The following ATP6V1D variants were observed in gnomAD, a reference collection of about 807,000 sequenced individuals.
The protein encoded by ATP6V1D is ATPase H+ transporting V1 subunit D, also known as V-type proton ATPase subunit D.
ATP6V1D carries 20 observed loss-of-function variants against 39.4 expected under a neutral mutation model. The ratio of observed to expected loss-of-function variants is 0.51; its 90% confidence interval spans 0.36 to 0.74. The LOEUF is 0.74. ATP6V1D is among the 30% of genes least tolerant of loss of function. The pLI is 0.00. For synonymous variants in ATP6V1D, 100 were observed against 100.5 expected, an observed-to-expected ratio of 0.99 and a Z score of 0.03; for missense variants, 228 against 291.6, an observed-to-expected ratio of 0.78 and a Z score of 1.59.
rs1185641655 is a variant in ATP6V1D at position 67,338,334 on chromosome 14, G to C, written c.*287C>G. ...CTAAGAGGTATTTCCTAATATGCTTGGTAAGCAGATCACGTGTAACACAGA... is the reference window on the plus strand; with the variant it reads ...CTAAGAGGTATTTCCTAATATGCTTCGTAAGCAGATCACGTGTAACACAGA... On this transcript the variant is annotated 3_prime_UTR_variant, in exon 9 of 9. Coordinates refer to ENST00000216442, the MANE Select transcript of ATP6V1D (RefSeq NM_015994.4). 6 of 260,860 alleles carry C rather than the reference G, an allele frequency of 2.3e-5. No homozygotes were observed. The highest frequency in any genetic ancestry group is 4.4e-5 in the African/African-American group (2 of 45,126). 16.2% of individuals were successfully genotyped at this position (260,860 alleles called of 1,614,324 possible). A position where few individuals can be genotyped will look rare whatever the true frequency, so the allele number is the denominator to read the frequency against.
At position 67,345,858 on chromosome 14, in the gene ATP6V1D, A is replaced by G. The variant is rs759709541; in HGVS notation, c.366T>C (p.Thr122=). Reference sequence around the variant, plus strand: ...ACTGTTCCCCACCTCTGGCTAAACCAGTCAGTTCATAACCTGAAAGGACCA... The same window carrying G: ...ACTGTTCCCCACCTCTGGCTAAACCGGTCAGTTCATAACCTGAAAGGACCA... The part of the protein sequence containing the change: ...YHEGTDSYEL[T]GLARGGEQLA... The change falls in exon 6 of 9, where the codon ACT becomes ACC. Residue 122 remains threonine, a synonymous_variant. Coordinates refer to ENST00000216442, the MANE Select transcript of ATP6V1D (RefSeq NM_015994.4). The G allele has an allele frequency of 6.2e-7, 1 of 1,613,246 alleles. No homozygotes were observed. The highest frequency in any genetic ancestry group is 8.5e-7 in the Non-Finnish European group (1 of 1,179,198).
At chr14:67,346,852 C>T (rs1222572879) in intron 5 of ATP6V1D, among the ~76,000 whole-genome samples, 5 of 152,106 alleles carry the variant, frequency 3.3e-5, no homozygotes, top group Admixed American at 2.0e-4. Context: ...AAAAACAACA[C>T]AGAAGTCTAA....
At chr14:67,354,329 G>A (rs2085672399) in intron 1 of ATP6V1D, among the ~76,000 whole-genome samples, 1 of 152,126 alleles carries the variant, frequency 6.6e-6, no homozygotes, top group Non-Finnish European at 1.5e-5. Context: ...TATTTGATTT[G>A]TAAGTTAAAA....
intron 5 of ATP6V1D, among the ~76,000 whole-genome samples, chr14:67,346,457 G>T (rs1471258110): frequency 6.6e-6 from 1 of 152,108 alleles, no homozygotes; most frequent in Non-Finnish European, 1.5e-5. Context: ...GACCACAGGC[G>T]CATGCCACCA....
chr14:67,339,375 A>T (rs1403814458), intron 8 of ATP6V1D, among the ~76,000 whole-genome samples: 2 of 152,110 alleles, frequency 1.3e-5, no homozygotes, highest in African/African-American at 2.4e-5. Flanking sequence ...TTTTTTTAAA[A>T]TTTTGGCTCA....
At chr14:67,343,220 T>A (rs78600160) in intron 7 of ATP6V1D, 152 bp downstream of exon 7, 1 of 492,056 alleles carries the variant, frequency 2.0e-6, no homozygotes, top group Non-Finnish European at 3.6e-6. Context: ...TTTTTTTTTT[T>A]ACTATGGACA....
chr14:67,350,494 A>G (rs2141105964), intron 3 of ATP6V1D, 117 bp downstream of exon 3: 1 of 766,930 alleles, frequency 1.3e-6, no homozygotes, highest in South Asian at 2.0e-5. Context: ...CTTTCTTATT[A>G]TTACTATATC....
At position 67,353,032 on chromosome 14, in the gene ATP6V1D, GT is replaced by G; in HGVS notation, c.49del (p.Thr17ProfsTer3). The G allele has an allele frequency of 6.2e-7, 1 of 1,607,528 alleles. No homozygotes were observed. The highest frequency in any genetic ancestry group is 1.1e-5 in the South Asian group (1 of 89,432). ...TCCCTTTAAACGAGCCTTCATGATG[GT>G]CTGTGCCCTATATAAACATAAACAA... ...IEIFPSRMAQ[T>X]IMKARLKGAQ... On this transcript the variant is annotated frameshift_variant, in exon 2 of 9. Coordinates refer to ENST00000216442, the MANE Select transcript of ATP6V1D (RefSeq NM_015994.4). LOFTEE classifies it high-confidence loss of function.
In ATP6V1D at chr14:67,359,785, T is replaced by C; in HGVS notation, c.-87A>G. 6.7e-7 allele frequency: 1 copy of C among 1,489,468 alleles called. No individual in the cohort carries two copies. The highest frequency in any genetic ancestry group is 1.7e-5 in the Admixed American group (1 of 58,396). 92.3% of individuals were successfully genotyped at this position (1,489,468 alleles called of 1,614,324 possible). On this transcript the variant is annotated 5_prime_UTR_variant, in exon 1 of 9. Coordinates refer to ENST00000216442, the MANE Select transcript of ATP6V1D (RefSeq NM_015994.4). ...AACTGGCCTCCACAGTGTCTTCCTC[T>C]ACGGGAGTCAGCTGGTTGTGTCACT...
chr14:67,348,281 G>A (rs1413206556), intron 4 of ATP6V1D, among the ~76,000 whole-genome samples: 2 of 151,964 alleles, frequency 1.3e-5, no homozygotes, highest in Non-Finnish European at 2.9e-5. Context: ...TCCATATTAG[G>A]CTGGTCTCGA....
rs754850554 is a variant in ATP6V1D at position 67,340,505 on chromosome 14, C to T, written c.537G>A (p.Arg179=). ...TGATATAAGCAAGAGTACGTTCAAT[C>T]CGGGGAATGATGACTAGAATAAAAA... ...VNAIEHVIIP[R]IERTLAYIIT... is the part of the protein sequence containing the mutation. The change falls in exon 8 of 9, where the codon CGG becomes CGA. Residue 179 remains arginine, a synonymous_variant. Coordinates refer to ENST00000216442, the MANE Select transcript of ATP6V1D (RefSeq NM_015994.4). The T allele has an allele frequency of 6.2e-7, 1 of 1,603,624 alleles. No individual in the cohort carries two copies. The highest frequency in any genetic ancestry group is 1.5e-5 in the African/African-American group (1 of 68,614).
chr14:67,352,833 A>G, intron 2 of ATP6V1D, 90 bp downstream of exon 2: 1 of 762,732 alleles, frequency 1.3e-6, no homozygotes, highest in Non-Finnish European at 2.0e-6. Flanking sequence ...GAAAAAAATT[A>G]ATTAAAATAA....
chr14:67,344,496 TA>T (rs920190321), intron 6 of ATP6V1D, among the ~76,000 whole-genome samples: 2 of 152,008 alleles, frequency 1.3e-5, no homozygotes, highest in Non-Finnish European at 2.9e-5. Context: ...ACTGGCCACA[TA>T]GGGGAAAAAA....
chr14:67,356,266 C>A (rs1485548314), intron 1 of ATP6V1D, among the ~76,000 whole-genome samples: 1 of 151,686 alleles, frequency 6.6e-6, no homozygotes, highest in African/African-American at 2.4e-5. Context: ...CCAAAAAATA[C>A]AAAAATTAGC....
intron 8 of ATP6V1D, among the ~76,000 whole-genome samples, chr14:67,339,045 G>C: frequency 6.8e-6 from 1 of 146,140 alleles, no homozygotes; most frequent in African/African-American, 2.5e-5. Context: ...CCAGGGTGGA[G>C]TGCAGTGGCG....
At chr14:67,346,579 T>G (rs2085621052) in intron 5 of ATP6V1D, among the ~76,000 whole-genome samples, 1 of 152,232 alleles carries the variant, frequency 6.6e-6, no homozygotes, top group Non-Finnish European at 1.5e-5. Flanking sequence ...CCTCCCAAAG[T>G]GCTGGGATTG....
chr14:67,340,386 GC>G, intron 8 of ATP6V1D, 53 bp downstream of exon 8: 1 of 1,467,258 alleles, frequency 6.8e-7, no homozygotes, highest in Non-Finnish European at 9.5e-7. Context: ...AGCAAATACA[GC>G]CTTTGGAATA....
At chr14:67,340,159 G>T in intron 8 of ATP6V1D, 1 of 313,632 alleles carries the variant, frequency 3.2e-6, no homozygotes, top group Non-Finnish European at 6.0e-6. Context: ...TTTCACTACT[G>T]CATTTGACTA....
chr14:67,359,706 A>C lies in ATP6V1D; in HGVS notation c.-8T>G, dbSNP rs992935967. Reference sequence around the variant, plus strand: ...TCGGTCTTTGCCCGACATTCTGACGATAACTTTTCGGCTCGGGTCCCCGGC... The same window carrying C: ...TCGGTCTTTGCCCGACATTCTGACGCTAACTTTTCGGCTCGGGTCCCCGGC... On this transcript the variant is annotated 5_prime_UTR_variant, in exon 1 of 9. Coordinates refer to ENST00000216442, the MANE Select transcript of ATP6V1D (RefSeq NM_015994.4). The C allele has an allele frequency of 6.2e-7, 1 of 1,613,916 alleles. No homozygotes were observed. The highest frequency in any genetic ancestry group is 8.5e-7 in the Non-Finnish European group (1 of 1,179,982).
Sources: gnomAD v4.1 joint callset for allele counts (sites outside exome capture counted in the v4.1 genomes callset) on GRCh38, gnomAD v4.1.1 for gene constraint, MANE v1.5 for transcripts, NCBI Gene and HGNC (gene_info 2026-07-23, HGNC 2026-07-21) for gene names.